SRC: variants seen among roughly 807,000 people sequenced by gnomAD.
SRC encodes the protein proto-oncogene tyrosine-protein kinase Src.
Under a neutral mutation model 62.9 loss-of-function variants are expected in SRC, and 13 were observed. The ratio of observed to expected loss-of-function variants is 0.21; its 90% confidence interval spans 0.13 to 0.33. The LOEUF (loss-of-function observed/expected upper bound fraction) is 0.33, where lower values mean the gene tolerates loss of function less well. SRC is among the 10% of genes least tolerant of loss of function. The pLI is 1.00. For missense variants in SRC, 457 were observed against 737.3 expected, an observed-to-expected ratio of 0.62 and a Z score of 4.40; for synonymous variants, 302 against 317.5, an observed-to-expected ratio of 0.95 and a Z score of 0.52.
Position 37,402,245 on chromosome 20 carries a change from C to T in SRC, c.1117-190C>T. ...TCTGCCCTCTGCTCTGTGCCCTGTG[C>T]TCCCTACTCCCGCAGAGCACTGCTC... On this transcript the variant is annotated intron_variant, in intron 11 of 13. Coordinates refer to ENST00000373578, the MANE Select transcript of SRC (RefSeq NM_198291.3). This position sits in a 1 kb window ranked among gnomAD's most constrained non-coding sequence, Gnocchi z 6.2. The T allele has an allele frequency of 1.6e-6, 1 of 634,908 alleles. No individual in the cohort carries two copies. Among genetic ancestry groups the T allele is most frequent in the South Asian group, 2.1e-5 (1 of 47,620 alleles). 39.3% of individuals were successfully genotyped at this position (634,908 alleles called of 1,614,324 possible).
At chr20:37,401,511 G>C in intron 10 of SRC, 91 bp from the exon 11 acceptor site, 1 of 984,708 alleles carries the variant, frequency 1.0e-6, no homozygotes, top group Non-Finnish European at 1.6e-6. Context: ...GTTAAAGCAA[G>C]GCCAGCCACC....
chr20:37,392,756 TCTC>T (rs2147087020), intron 5 of SRC, among the ~76,000 whole-genome samples: 1 of 152,132 alleles, frequency 6.6e-6, no homozygotes, highest in East Asian at 1.9e-4. Context: ...CCCATTGACC[TCTC>T]CTCACTCCCT....
intron 2 of SRC, among the ~76,000 whole-genome samples, chr20:37,372,836 A>G (rs1273619198): frequency 1.3e-5 from 2 of 151,984 alleles, no homozygotes; most frequent in Non-Finnish European, 2.9e-5. Flanking sequence ...CTATCATATG[A>G]GTTGCAATTA....
chr20:37,372,206 A>T (rs934964788), intron 2 of SRC, among the ~76,000 whole-genome samples: 1 of 96,930 alleles, frequency 1.0e-5, no homozygotes, highest in African/African-American at 8.8e-5. Context: ...TGGGGATTTC[A>T]CCATCTCCTG....
chr20:37,344,812 A>G (rs1053588638), upstream of SRC: 4 of 152,260 alleles, frequency 2.6e-5, no homozygotes, highest in Admixed American at 2.6e-4. Context: ...ATCTAGCACA[A>G]CCTGACCATC....
At chr20:37,363,828 C>T (rs1181155035) in intron 1 of SRC, among the ~76,000 whole-genome samples, 1 of 152,204 alleles carries the variant, frequency 6.6e-6, no homozygotes, top group Non-Finnish European at 1.5e-5. Context: ...TGTCACTCGG[C>T]TGCTAAGAGT....
intron 2 of SRC, among the ~76,000 whole-genome samples, chr20:37,379,380 C>T (rs1049345554): frequency 1.3e-5 from 2 of 152,124 alleles, no homozygotes; most frequent in South Asian, 2.1e-4. Flanking sequence ...GGCAGTTGGG[C>T]CCCAGAACCA....
intron 5 of SRC, among the ~76,000 whole-genome samples, chr20:37,392,876 C>A (rs533894815): frequency 1.6e-4 from 25 of 152,228 alleles, no homozygotes; most frequent in Middle Eastern, 6.8e-3. Context: ...CTCTCCCCTG[C>A]TCTTTCTGCC....
At position 37,396,467 on chromosome 20, in the gene SRC, C is replaced by T; in HGVS notation, c.703+156C>T. 1 of 879,256 alleles carries T rather than the reference C, an allele frequency of 1.1e-6. No individual in the cohort carries two copies. Among genetic ancestry groups the T allele is most frequent in the East Asian group, 2.7e-5 (1 of 37,602 alleles). The allele number at this position is 879,256 out of a possible 1,614,324, so 54.5% of individuals were successfully genotyped here. On this transcript the variant is annotated intron_variant, in intron 8 of 13. Transcript: ENST00000373578. This position sits in a 1 kb window ranked among gnomAD's most constrained non-coding sequence, Gnocchi z 6.1. ...TCCCTTCCTCTCTCCTCCCTTTTCCCTCCTTTCCTTGTCTCCTTCTTCTTC... is the reference window on the plus strand; with the variant it reads ...TCCCTTCCTCTCTCCTCCCTTTTCCTTCCTTTCCTTGTCTCCTTCTTCTTC...
intron 5 of SRC, chr20:37,386,620 C>G (rs1486924826): frequency 1.4e-5 from 9 of 660,630 alleles, no homozygotes; most frequent in Non-Finnish European, 1.9e-5. Context: ...CCCCTCCCCC[C>G]TCCACCAATT....
Position 37,405,691 on chromosome 20 carries a change from C to G in SRC, c.*2312C>G, listed in dbSNP as rs1028283529. 6.4e-6 allele frequency: 1 copy of G among 155,486 alleles called. No individual in the cohort carries two copies. The highest frequency in any genetic ancestry group is 2.4e-5 in the African/African-American group (1 of 41,498). 9.6% of individuals were successfully genotyped at this position (155,486 alleles called of 1,614,324 possible). A position where few individuals can be genotyped will look rare whatever the true frequency, so the allele number is the denominator to read the frequency against. On this transcript the variant is annotated 3_prime_UTR_variant, in exon 14 of 14. Transcript: ENST00000373578. ...ATGACAAGTTCAGGACTCAAATGTCCGTGGTGGATGGTAGCAGTGACATTG... is the reference window on the plus strand; with the variant it reads ...ATGACAAGTTCAGGACTCAAATGTCGGTGGTGGATGGTAGCAGTGACATTG...
chr20:37,355,629 C>A (rs901363079), intron 1 of SRC, among the ~76,000 whole-genome samples: 1 of 152,148 alleles, frequency 6.6e-6, no homozygotes, highest in African/African-American at 2.4e-5. Context: ...AGACTCCAGT[C>A]ATTTCCCTAT....
intron 1 of SRC, among the ~76,000 whole-genome samples, chr20:37,346,739 A>T (rs114738372): frequency 0.057 from 8,683 of 151,994 alleles, 412 homozygotes; most frequent in African/African-American, 0.13. Context: ...AACTGCCAGG[A>T]CCTCCCTGCC....
intron 4 of SRC, among the ~76,000 whole-genome samples, chr20:37,385,092 A>G (rs892094519): frequency 1.3e-5 from 2 of 152,220 alleles, no homozygotes; most frequent in African/African-American, 4.8e-5. Flanking sequence ...AGATGTACCC[A>G]GATACAAACT....
At chr20:37,357,764 G>A (rs556608125) in intron 1 of SRC, among the ~76,000 whole-genome samples, 1 of 152,236 alleles carries the variant, frequency 6.6e-6, no homozygotes, top group African/African-American at 2.4e-5. Flanking sequence ...CAAGAAACAG[G>A]TGGTCGAGCA....
chr20:37,401,787 G>A, intron 11 of SRC, 109 bp downstream of exon 11: 1 of 708,860 alleles, frequency 1.4e-6, no homozygotes, highest in South Asian at 2.0e-5. Flanking sequence ...AGCCTGCCTT[G>A]ATTGCCTCCA....
chr20:37,355,119 C>G (rs1304479974), intron 1 of SRC, among the ~76,000 whole-genome samples: 1 of 152,050 alleles, frequency 6.6e-6, no homozygotes, highest in African/African-American at 2.4e-5. Flanking sequence ...TGGACTGGCG[C>G]TGGGTGAAGT....
chr20:37,378,161 C>CTT lies in SRC; in HGVS notation c.-172-4440_-172-4439dup, dbSNP rs770833912. Among the ~76,000 whole-genome samples the CTT allele has an allele frequency of 4.9e-3, 605 of 122,902 alleles. 10 individuals are homozygous for CTT. Among genetic ancestry groups the CTT allele is most frequent in the African/African-American group, 0.011 (355 of 31,914 alleles). The allele number at this position is 122,902 out of a possible 152,430, so 80.6% of individuals were successfully genotyped here. A position where few individuals can be genotyped will look rare whatever the true frequency, so the allele number is the denominator to read the frequency against. On this transcript the variant is annotated intron_variant, in intron 2 of 13. Transcript: ENST00000373578. ...GTGTGCAATTTCCTTTCTTTCTTCT[C>CTT]TTTTTTTTTTTTTTTTTTTGAGACA...
chr20:37,371,469 T>C (rs1004936530), intron 2 of SRC, among the ~76,000 whole-genome samples: 24 of 152,188 alleles, frequency 1.6e-4, no homozygotes, highest in African/African-American at 5.8e-4. Context: ...TTCTCTTTTT[T>C]TCTTGTTCAG....
Sources: gnomAD v4.1 joint callset for allele counts (sites outside exome capture counted in the v4.1 genomes callset) on GRCh38, gnomAD v4.1.1 for gene constraint, Gnocchi (gnomAD v3.1) non-coding constraint, MANE v1.5 for transcripts, NCBI Gene and HGNC (gene_info 2026-07-23, HGNC 2026-07-21) for gene names.